PRICKLE2: variants seen among roughly 807,000 people sequenced by gnomAD.
The protein encoded by PRICKLE2 is prickle-like protein 2.
PRICKLE2 carries 21 observed loss-of-function variants against 81.4 expected under a neutral mutation model. The ratio of observed to expected loss-of-function variants is 0.26; its 90% CI spans 0.18 to 0.37. The LOEUF (loss-of-function observed/expected upper bound fraction) is 0.37, where lower values mean the gene tolerates loss of function less well. PRICKLE2 is among the 10% of genes least tolerant of loss of function. The pLI is 1.00. For synonymous variants in PRICKLE2, 456 were observed against 421.5 expected (o/e 1.08, Z -1.00); for missense variants, 940 against 1,109.0 (o/e 0.85, Z 2.16).
chr3:64,162,171 C>G (rs2077746282), intron 3 of PRICKLE2, among the ~76,000 whole-genome samples: 2 of 152,078 alleles, frequency 1.3e-5, no homozygotes, highest in African/African-American at 4.8e-5. Context: ...TGGTAGAAAG[C>G]TGGTGCCCAG....
Position 64,204,167 on chromosome 3 carries a change from A to G in PRICKLE2, c.-40-5200T>C, listed in dbSNP as rs184768593. Among the ~76,000 whole-genome samples the G allele has an allele frequency of 1.1e-4, 16 of 152,302 alleles. 1 individual carries two copies. The highest frequency in any genetic ancestry group is 8.5e-4 in the Admixed American group (13 of 15,300). ...AGGGGAGAAACATACAATACACATA[A>G]CAAGCCTTTCAATCACAAAGTATGT... is the stretch of plus-strand genomic sequence containing the variant. On this transcript the variant is annotated intron_variant, in intron 1 of 7. Transcript: ENST00000638394.
intron 2 of PRICKLE2, among the ~76,000 whole-genome samples, chr3:64,177,280 C>A (rs1328543676): frequency 1.3e-5 from 2 of 151,600 alleles, no homozygotes; most frequent in African/African-American, 4.8e-5. Context: ...GGATTACAGG[C>A]ACTCACCACC....
intron 2 of PRICKLE2, among the ~76,000 whole-genome samples, chr3:64,239,163 G>T (rs221992): frequency 2.6e-5 from 4 of 152,058 alleles, no homozygotes; most frequent in Admixed American, 6.5e-5. Flanking sequence ...ACACACCACA[G>T]GGCGAGGTAG....
At chr3:64,109,445 G>C (rs1172422584) in intron 7 of PRICKLE2, among the ~76,000 whole-genome samples, 7 of 152,166 alleles carry the variant, frequency 4.6e-5, no homozygotes, top group Admixed American at 2.0e-4. Flanking sequence ...GTGATCAGCA[G>C]ATCACAAGTT....
chr3:64,166,908 AC>A (rs1294361097), intron 2 of PRICKLE2, among the ~76,000 whole-genome samples: 1 of 152,120 alleles, frequency 6.6e-6, no homozygotes, highest in African/African-American at 2.4e-5. Context: ...TAGATGCTGG[AC>A]TTTCCAAATT....
chr3:64,132,709 T>C lies in PRICKLE2; in HGVS notation c.1660+14121A>G, dbSNP rs187758677. On this transcript the variant is annotated intron_variant, in intron 7 of 7. Coordinates refer to ENST00000638394, the MANE Select transcript of PRICKLE2 (RefSeq NM_198859.4). ...CAAAGATCTTGATCAAACTCTGGTA[T>C]AGAGAATAGATAAAACAGTGTGGCT... is the stretch of plus-strand genomic sequence containing the variant. Among the ~76,000 whole-genome samples the C allele has an allele frequency of 8.3e-4, 126 of 152,322 alleles. 1 individual carries two copies. The highest frequency in any genetic ancestry group is 3.4e-3 in the Middle Eastern group (1 of 294).
chr3:64,226,673 C>T (rs2079036126), upstream of PRICKLE2, among the ~76,000 whole-genome samples: 1 of 152,246 alleles, frequency 6.6e-6, no homozygotes, highest in African/African-American at 2.4e-5. Context: ...GAAAAATTCA[C>T]CGAGGCATAC....
intron 2 of PRICKLE2, among the ~76,000 whole-genome samples, chr3:64,265,249 G>C (rs899953218): frequency 1.5e-4 from 23 of 152,248 alleles, no homozygotes; most frequent in Non-Finnish European, 2.1e-4. Context: ...TTCAGATTTT[G>C]AGAAAATAAA....
intron 2 of PRICKLE2, among the ~76,000 whole-genome samples, chr3:64,258,879 A>ATGAAAGAAAGAAAGAAAGAT: frequency 6.6e-6 from 1 of 151,136 alleles, no homozygotes; most frequent in South Asian, 2.1e-4. Flanking sequence ...GAAAGAAAGA[A>ATGAAAGAAAGAAAGAAAGAT]AGAAAGAAAG....
At chr3:64,262,261 G>A (rs547455672) in intron 2 of PRICKLE2, among the ~76,000 whole-genome samples, 4 of 152,220 alleles carry the variant, frequency 2.6e-5, no homozygotes, top group Admixed American at 6.5e-5. Context: ...TATTCCCATT[G>A]GATAGGATAT....
intron 7 of PRICKLE2, among the ~76,000 whole-genome samples, chr3:64,141,412 G>A (rs696014): frequency 0.14 from 21,165 of 152,220 alleles, 1,618 homozygotes; most frequent in Middle Eastern, 0.2. Context: ...TTTAGTTTAT[G>A]GAAAGTACTT....
At chr3:64,115,596 CAAA>C (rs2106959062) in intron 7 of PRICKLE2, among the ~76,000 whole-genome samples, 1 of 152,192 alleles carries the variant, frequency 6.6e-6, no homozygotes, top group South Asian at 2.1e-4. Context: ...TCAAAAAAGA[CAAA>C]GAAGGGCATT....
At chr3:64,264,634 G>T (rs908884259) in intron 2 of PRICKLE2, among the ~76,000 whole-genome samples, 1 of 152,168 alleles carries the variant, frequency 6.6e-6, no homozygotes, top group African/African-American at 2.4e-5. Context: ...CTTATCCCCA[G>T]AAGCCTGAAC....
At chr3:64,126,492 G>A (rs190217521) in intron 7 of PRICKLE2, among the ~76,000 whole-genome samples, 162 of 152,330 alleles carry the variant, frequency 1.1e-3, no homozygotes, top group African/African-American at 2.3e-3. Context: ...AATGGTCATC[G>A]AGACTGACCA....
intron 7 of PRICKLE2, among the ~76,000 whole-genome samples, chr3:64,142,951 T>C (rs557421771): frequency 1.3e-5 from 2 of 152,150 alleles, no homozygotes; most frequent in Admixed American, 1.3e-4. Flanking sequence ...TCCTAAATGA[T>C]GAAGGCTTGA....
chr3:64,188,425 G>A (rs1465795911), intron 2 of PRICKLE2, among the ~76,000 whole-genome samples: 1 of 152,172 alleles, frequency 6.6e-6, no homozygotes, highest in Non-Finnish European at 1.5e-5. Context: ...ACACCTAAAA[G>A]CTTTGTTGAA....
At chr3:64,157,810 T>A (rs537126008) in intron 4 of PRICKLE2, among the ~76,000 whole-genome samples, 328 of 152,242 alleles carry the variant, frequency 2.2e-3, no homozygotes, top group Non-Finnish European at 3.8e-3. Flanking sequence ...GGACCTATAC[T>A]TTTATATGGG....
At chr3:64,246,043 G>A (rs972486771) in intron 2 of PRICKLE2, among the ~76,000 whole-genome samples, 2 of 152,046 alleles carry the variant, frequency 1.3e-5, no homozygotes, top group African/African-American at 2.4e-5. Context: ...CCAGGAGTTC[G>A]AGACCAGCCT....
chr3:64,142,068 C>G, intron 7 of PRICKLE2: 4 of 369,544 alleles, frequency 1.1e-5, no homozygotes, highest in Non-Finnish European at 1.5e-5. Flanking sequence ...ACCAACTTTC[C>G]AAGTCTAGTC....
Sources: gnomAD v4.1 joint callset for allele counts (sites outside exome capture counted in the v4.1 genomes callset) on GRCh38, gnomAD v4.1.1 for gene constraint, MANE v1.5 for transcripts, NCBI Gene and HGNC (gene_info 2026-07-23, HGNC 2026-07-21) for gene names.